Variants in TTYH2 observed in about 807,000 individuals in gnomAD.
The protein encoded by TTYH2 is protein tweety homolog 2.
Under a neutral mutation model 68.3 loss-of-function variants are expected in TTYH2, and 49 were observed. The ratio of observed to expected loss-of-function variants is 0.72; its 90% confidence interval spans 0.57 to 0.91. TTYH2 has a LOEUF of 0.91. Ranked by LOEUF, TTYH2 falls within the 40% of genes least tolerant of loss-of-function variation. The pLI, the probability that TTYH2 is intolerant of heterozygous loss-of-function variation, is 0.00. For missense variants in TTYH2, 631 were observed against 700.4 expected (o/e 0.90, Z 1.12); for synonymous variants, 272 against 300.8 (o/e 0.90, Z 0.99).
At chr17:74,224,281 G>A (rs976183689) in intron 2 of TTYH2, among the ~76,000 whole-genome samples, 2 of 152,144 alleles carry the variant, frequency 1.3e-5, no homozygotes, top group African/African-American at 4.8e-5. Context: ...CATGCTTGTA[G>A]TCCTGACTGA....
At position 74,252,363 on chromosome 17, in the gene TTYH2, C is replaced by G; in HGVS notation, c.1246C>G (p.His416Asp). 1.2e-6 allele frequency: 2 copies of G among 1,613,652 alleles called. No individual in the cohort carries two copies. The highest frequency in any genetic ancestry group is 1.7e-6 in the Non-Finnish European group (2 of 1,179,962). The stretch of plus-strand genomic sequence containing the variant: ...CTGTGCAGGGCCAAGGGCCTGGAAG[C>G]ACTTCACCACCAGGTGGGCTGCCTA... ...MICAGPRAWKHFTTRNRDYDD... is the reference protein window; with the variant it reads ...MICAGPRAWKDFTTRNRDYDD... The change falls in exon 11 of 14, where the codon CAC becomes GAC. Residue 416 changes from histidine (H) to aspartate (D), a missense_variant. His to Asp is a moderately conservative substitution (Grantham distance 81, BLOSUM62 -1). Coordinates refer to ENST00000269346, the MANE Select transcript of TTYH2 (RefSeq NM_032646.6).
intron 6 of TTYH2, chr17:74,248,373 C>A (rs541078977): frequency 2.0e-6 from 2 of 986,642 alleles, no homozygotes; most frequent in African/African-American, 1.7e-5. Flanking sequence ...AATCACTTAG[C>A]CAGGCCGTGC....
rs77869678 is a variant in TTYH2 at position 74,249,332 on chromosome 17, G to A, written c.875-12G>A. The A allele has an allele frequency of 0.011, 17,558 of 1,614,046 alleles. 201 individuals are homozygous for A. The highest frequency in any genetic ancestry group is 0.042 in the South Asian group (3,803 of 91,076). ...TTTGTGAGCTGCCTAACGTTATGCC[G>A]TTGCCCTGCAGAGGTGACTCGCTAC... On this transcript the variant is annotated splice_polypyrimidine_tract_variant and intron_variant, in intron 7 of 13. Coordinates refer to ENST00000269346, the MANE Select transcript of TTYH2 (RefSeq NM_032646.6).
At chr17:74,245,503 C>G (rs2050548247) in intron 6 of TTYH2, among the ~76,000 whole-genome samples, 1 of 152,236 alleles carries the variant, frequency 6.6e-6, no homozygotes, top group South Asian at 2.1e-4. Context: ...GTGAGCTGCC[C>G]TGTGGTGGCC....
intron 6 of TTYH2, among the ~76,000 whole-genome samples, chr17:74,244,491 C>G (rs1224255028): frequency 2.0e-5 from 3 of 152,180 alleles, no homozygotes; most frequent in African/African-American, 7.2e-5. Context: ...GGCCCTGGGA[C>G]TGTAGAATGT....
chr17:74,246,517 G>A (rs541816823), intron 6 of TTYH2, among the ~76,000 whole-genome samples: 1 of 152,158 alleles, frequency 6.6e-6, no homozygotes, highest in East Asian at 1.9e-4. Flanking sequence ...GGTCACGGGG[G>A]TCCCTTCAGA....
chr17:74,243,914 T>TGGGGGGGGGGGGGGGG, intron 5 of TTYH2, 63 bp from the exon 6 acceptor site: 1 of 1,203,962 alleles, frequency 8.3e-7, no homozygotes, highest in East Asian at 4.4e-5. Flanking sequence ...GCAGGGTGGG[T>TGGGGGGGGGGGGGGGG]GGGGTGATGG....
rs2050285424 is a variant in TTYH2 at position 74,222,493 on chromosome 17, G to A, written c.138G>A (p.Leu46=). Residue 46 remains leucine (L), a synonymous_variant, in exon 2 of 14, where the codon CTG becomes CTA. Transcript: ENST00000269346. The surrounding 1 kb of genome is among the most constrained non-coding windows in gnomAD (Gnocchi z 5.2). ...PGDESYQESL[L]FLGLVAAVCL... ...CCTCTGCTCTCTTCCAGTCGCTGCT[G>A]TTCCTGGGGCTGGTGGCCGCCGTCT... is the stretch of plus-strand genomic sequence containing the variant. 1.2e-6 allele frequency: 2 copies of A among 1,609,648 alleles called. No homozygotes were observed. Among genetic ancestry groups the A allele is most frequent in the Admixed American group, 3.3e-5 (2 of 59,908 alleles).
intron 13 of TTYH2, among the ~76,000 whole-genome samples, chr17:74,256,255 T>C (rs2050692750): frequency 6.6e-6 from 1 of 151,326 alleles, no homozygotes. Context: ...GGGGCAGTTT[T>C]CCCCCCTGGG....
At chr17:74,251,967 A>C in intron 10 of TTYH2, 1 of 424,284 alleles carries the variant, frequency 2.4e-6, no homozygotes, top group South Asian at 3.2e-5. Context: ...CCCACCCTGC[A>C]ACCTCCTCCG....
At chr17:74,258,546 T>C (rs1348031382) in intron 13 of TTYH2, among the ~76,000 whole-genome samples, 3 of 152,074 alleles carry the variant, frequency 2.0e-5, no homozygotes, top group Admixed American at 6.6e-5. Context: ...GGATTACAGG[T>C]GTGAGCCACC....
intron 1 of TTYH2, among the ~76,000 whole-genome samples, chr17:74,219,578 CA>C: frequency 6.6e-6 from 1 of 152,196 alleles, no homozygotes; most frequent in African/African-American, 2.4e-5. Context: ...CGCACCCTCC[CA>C]AAGGTAGCAA....
chr17:74,260,232 T>G lies in TTYH2; in HGVS notation c.*23T>G. The G allele has an allele frequency of 6.2e-7, 1 of 1,610,594 alleles. No homozygotes were observed. Among genetic ancestry groups the G allele is most frequent in the Non-Finnish European group, 8.5e-7 (1 of 1,177,096 alleles). On this transcript the variant is annotated 3_prime_UTR_variant, in exon 14 of 14. Transcript: ENST00000269346. ...TAACAGACTTTCGGGGGTTCCTGCC[T>G]CCTTTTTCCGTTCTGGTTTTTAATT...
At chr17:74,226,384 A>G (rs1470682177) in intron 2 of TTYH2, among the ~76,000 whole-genome samples, 1 of 152,024 alleles carries the variant, frequency 6.6e-6, no homozygotes, top group South Asian at 2.1e-4. Context: ...GAATGCCACA[A>G]GGGCACAGGA....
chr17:74,254,187 A>T (rs8074711), intron 13 of TTYH2, among the ~76,000 whole-genome samples: 25,051 of 99,194 alleles, frequency 0.25, 2,172 homozygotes, highest in African/African-American at 0.37. Context: ...TTATTTATTT[A>T]TTTTTTGAGG....
At chr17:74,235,984 A>C (rs2050439614) in intron 3 of TTYH2, among the ~76,000 whole-genome samples, 1 of 152,146 alleles carries the variant, frequency 6.6e-6, no homozygotes. Context: ...CCTGCTCTGC[A>C]AGGAGCAGTA....
chr17:74,215,558 C>A lies in TTYH2; in HGVS notation c.129+1842C>A. The A allele has an allele frequency of 7.0e-7, 1 of 1,421,488 alleles. No homozygotes were observed. Among genetic ancestry groups the A allele is most frequent in the Non-Finnish European group, 9.5e-7 (1 of 1,051,298 alleles). 88.1% of individuals were successfully genotyped at this position (1,421,488 alleles called of 1,614,324 possible). A position where few individuals can be genotyped will look rare whatever the true frequency, so the allele number is the denominator to read the frequency against. On this transcript the variant is annotated intron_variant, in intron 1 of 13. Transcript: ENST00000269346. The surrounding 1 kb of genome is among the most constrained non-coding windows in gnomAD (Gnocchi z 4.3). Reference sequence around the variant, plus strand: ...CCAGAGGGTGTCCCTTCCCATCGGCCACTGCTCCTGGGCAGCTGACACCAG... The same window carrying A: ...CCAGAGGGTGTCCCTTCCCATCGGCAACTGCTCCTGGGCAGCTGACACCAG...
At position 74,232,457 on chromosome 17, in the gene TTYH2, G is replaced by A. The variant is rs552516967; in HGVS notation, c.414+1458G>A. Reference sequence around the variant, plus strand: ...GAGCGCTGAGTCCCAGTGCGGAGATGCTAGTCTGGAACAGCCTTGCGCGGT... The same window carrying A: ...GAGCGCTGAGTCCCAGTGCGGAGATACTAGTCTGGAACAGCCTTGCGCGGT... On this transcript the variant is annotated intron_variant, in intron 3 of 13. Coordinates refer to ENST00000269346, the MANE Select transcript of TTYH2 (RefSeq NM_032646.6). The surrounding 1 kb of genome is among the most constrained non-coding windows in gnomAD (Gnocchi z 5.1). 8.5e-5 allele frequency among the ~76,000 whole-genome samples: 13 copies of A among 152,236 alleles called. No individual in the cohort carries two copies. Among genetic ancestry groups the A allele is most frequent in the Non-Finnish European group, 1.6e-4 (11 of 68,042 alleles).
chr17:74,227,929 A>C (rs1458154762), intron 2 of TTYH2, among the ~76,000 whole-genome samples: 1 of 150,530 alleles, frequency 6.6e-6, no homozygotes. Flanking sequence ...ATCCTGAAAA[A>C]CACTAAATTA....
Sources: allele counts gnomAD v4.1 joint callset (sites outside exome capture counted in the v4.1 genomes callset), GRCh38; gene constraint gnomAD v4.1.1; non-coding constraint Gnocchi (gnomAD v3.1); transcripts MANE v1.5; gene names NCBI Gene and HGNC (gene_info 2026-07-23, HGNC 2026-07-21).